DYSF: variants seen among roughly 807,000 people sequenced by gnomAD.
DYSF encodes the protein dystrophy-associated fer-1-like 1.
A neutral mutation model predicts 274.9 loss-of-function variants in DYSF; 212 were observed. The observed-to-expected ratio is 0.77, with a 90% CI of 0.69 to 0.86. DYSF has a LOEUF of 0.86. Ranked by LOEUF, DYSF falls within the 40% of genes least tolerant of loss-of-function variation. The probability of loss-of-function intolerance (pLI) is 0.00; values close to 1 mark genes in which losing one functional copy is unlikely to be tolerated. For missense variants in DYSF, 2,666 were observed against 2,783.2 expected (o/e 0.96, Z 0.95); for synonymous variants, 1,091 against 1,078.7 (o/e 1.01, Z -0.22).
intron 45 of DYSF, 130 bp from the exon 46 acceptor site, chr2:71,664,138 T>A: frequency 8.8e-7 from 1 of 1,134,796 alleles, no homozygotes; most frequent in South Asian, 1.3e-5. Context: ...TGTGGGTGGT[T>A]GGGCCTGTAA....
intron 55 of DYSF, among the ~76,000 whole-genome samples, chr2:71,684,202 T>C (rs576091441): frequency 1.3e-4 from 20 of 152,348 alleles, no homozygotes; most frequent in African/African-American, 4.6e-4. Flanking sequence ...GGGAGGCCTC[T>C]TTAAGCCAAG....
At position 71,673,421 on chromosome 2, in the gene DYSF, C is replaced by T. The variant is rs149811274; in HGVS notation, c.5785-776C>T. ...GTGGGGAGAGAAGGGCCCCTCCTCT[C>T]CTTTCAGCAGGAGACGGAACTTCCC... On this transcript the variant is annotated intron_variant, in intron 51 of 55. Transcript: ENST00000410020. 5.2e-3 allele frequency among the ~76,000 whole-genome samples: 790 copies of T among 152,292 alleles called. 5 individuals carry two copies. The highest frequency in any genetic ancestry group is 0.014 in the Middle Eastern group (4 of 294).
chr2:71,520,299 G>A (rs1029233470), intron 11 of DYSF, 91 bp downstream of exon 11: 17 of 1,415,914 alleles, frequency 1.2e-5, no homozygotes, highest in Non-Finnish European at 1.1e-5. Context: ...GTCCCTCCTG[G>A]GGGTTTTAGA....
intron 37 of DYSF, 49 bp from the exon 38 acceptor site, chr2:71,611,416 C>G (rs747705951): frequency 1.2e-6 from 2 of 1,613,960 alleles, no homozygotes; most frequent in Admixed American, 1.7e-5. Flanking sequence ...CCCAGCCTTT[C>G]CTGGGGCCCG....
At chr2:71,656,683 G>T (rs2094778802) in intron 43 of DYSF, among the ~76,000 whole-genome samples, 1 of 152,158 alleles carries the variant, frequency 6.6e-6, no homozygotes, top group East Asian at 1.9e-4. Context: ...GGAGGGGAAA[G>T]GCAGTTCTTA....
chr2:71,538,460 C>G (rs1559107751), intron 16 of DYSF, among the ~76,000 whole-genome samples: 1 of 152,180 alleles, frequency 6.6e-6, no homozygotes, highest in Non-Finnish European at 1.5e-5. Context: ...TTCCAGGAGT[C>G]AGGACGCCAG....
chr2:71,676,828 A>G (rs890977664), intron 52 of DYSF, among the ~76,000 whole-genome samples: 5 of 152,048 alleles, frequency 3.3e-5, no homozygotes, highest in Admixed American at 1.3e-4. Context: ...ATTACTTTTT[A>G]ATTTTAAAGG....
At position 71,564,042 on chromosome 2, in the gene DYSF, A is replaced by G; in HGVS notation, c.2410-16A>G. Reference sequence around the variant, plus strand: ...GTGTGTCACCATCCCCACCCCGACCACCACCCTCTGTTCAGCCCCAGAACA... The same window carrying G: ...GTGTGTCACCATCCCCACCCCGACCGCCACCCTCTGTTCAGCCCCAGAACA... On this transcript the variant is annotated splice_polypyrimidine_tract_variant and intron_variant, in intron 23 of 55. Transcript: ENST00000410020. The G allele has an allele frequency of 6.2e-7, 1 of 1,613,646 alleles. No homozygotes were observed. Among genetic ancestry groups the G allele is most frequent in the Non-Finnish European group, 8.5e-7 (1 of 1,179,862 alleles).
chr2:71,531,634 C>T (rs1198640272), intron 14 of DYSF, among the ~76,000 whole-genome samples: 1 of 151,736 alleles, frequency 6.6e-6, no homozygotes, highest in Non-Finnish European at 1.5e-5. Flanking sequence ...TGATATGTGT[C>T]CTGTGTAGTC....
Position 71,671,630 on chromosome 2 carries a change from T to G in DYSF, c.5784+1884T>G, listed in dbSNP as rs545717161. On this transcript the variant is annotated intron_variant, in intron 51 of 55. Coordinates refer to ENST00000410020, the MANE Select transcript of DYSF (RefSeq NM_001130987.2). ...ACTGGGGCAGGTGACTTGAGACCAG[T>G]GGAAAAGGCTGGAAAGAGCTGCTAT... 8.6e-5 allele frequency among the ~76,000 whole-genome samples: 13 copies of G among 151,682 alleles called. No individual in the cohort carries two copies. The South Asian group carries it at 2.7e-3, about 32-fold the overall frequency.
intron 3 of DYSF, among the ~76,000 whole-genome samples, chr2:71,489,179 A>G (rs957881350): frequency 7.5e-4 from 114 of 152,270 alleles, no homozygotes; most frequent in African/African-American, 2.6e-3. Flanking sequence ...TTAGTTCTGC[A>G]CTGCTGCCTT....
chr2:71,663,160 G>A (rs994201017), intron 45 of DYSF, among the ~76,000 whole-genome samples: 1 of 152,162 alleles, frequency 6.6e-6, no homozygotes, highest in Non-Finnish European at 1.5e-5. Flanking sequence ...TGTCTGGGCT[G>A]GGGAGAGGGC....
chr2:71,455,890 A>G (rs1043125245), intron 1 of DYSF, among the ~76,000 whole-genome samples: 1 of 151,882 alleles, frequency 6.6e-6, no homozygotes, highest in Non-Finnish European at 1.5e-5. Flanking sequence ...CACTCAATAC[A>G]CTAGGCTTCT....
intron 22 of DYSF, among the ~76,000 whole-genome samples, chr2:71,558,819 T>TG (rs570071768): frequency 3.9e-5 from 6 of 152,028 alleles, no homozygotes; most frequent in Non-Finnish European, 8.8e-5. Flanking sequence ...AATGCCTCTC[T>TG]GGGGGGGAAT....
intron 1 of DYSF, among the ~76,000 whole-genome samples, chr2:71,457,751 G>A (rs183288849): frequency 1.2e-3 from 183 of 152,304 alleles, no homozygotes; most frequent in Non-Finnish European, 1.8e-3. Context: ...CAGTGCTCTC[G>A]TTCCGGGCAA....
At chr2:71,469,332 T>A (rs1299011455) in intron 1 of DYSF, among the ~76,000 whole-genome samples, 1 of 152,118 alleles carries the variant, frequency 6.6e-6, no homozygotes, top group Non-Finnish European at 1.5e-5. Context: ...TGTGGGAGCT[T>A]CACCAAAGAC....
At chr2:71,493,063 T>A (rs4479448) in intron 3 of DYSF, among the ~76,000 whole-genome samples, 44,323 of 149,400 alleles carry the variant, frequency 0.3, 7,322 homozygotes, top group East Asian at 0.7. Flanking sequence ...ATATATATAT[T>A]TTTTTTGTAG....
intron 30 of DYSF, among the ~76,000 whole-genome samples, chr2:71,575,817 A>G (rs2092681622): frequency 6.7e-6 from 1 of 148,190 alleles, no homozygotes; most frequent in Admixed American, 6.8e-5. Flanking sequence ...AGAACCCGAG[A>G]GGTGAAGCAG....
intron 17 of DYSF, among the ~76,000 whole-genome samples, chr2:71,547,827 A>G (rs1326488493): frequency 6.6e-6 from 1 of 152,090 alleles, no homozygotes; most frequent in Admixed American, 6.5e-5. Flanking sequence ...GCCAGAATTC[A>G]AAATCAGTCT....
Sources: gnomAD v4.1 joint callset for allele counts (sites outside exome capture counted in the v4.1 genomes callset) on GRCh38, gnomAD v4.1.1 for gene constraint, MANE v1.5 for transcripts, NCBI Gene and HGNC (gene_info 2026-07-23, HGNC 2026-07-21) for gene names.